The following PIK3AP1 variants were observed in gnomAD, a reference collection of about 807,000 sequenced individuals.
The protein encoded by PIK3AP1 is phosphoinositide 3-kinase adapter protein 1.
PIK3AP1 carries 21 observed loss-of-function variants against 88.1 expected under a neutral mutation model. The ratio of observed to expected loss-of-function variants is 0.24; its 90% CI spans 0.17 to 0.34. The LOEUF (loss-of-function observed/expected upper bound fraction) is 0.34. PIK3AP1 is among the 10% of genes least tolerant of loss of function. The probability of loss-of-function intolerance (pLI) is 1.00; values close to 1 mark genes in which losing one functional copy is unlikely to be tolerated. For missense variants in PIK3AP1, 828 were observed against 1,035.7 expected (o/e 0.80, Z 2.75); for synonymous variants, 398 against 400.0 (o/e 1.00, Z 0.06).
intron 2 of PIK3AP1, among the ~76,000 whole-genome samples, chr10:96,694,926 G>A (rs1699274266): frequency 6.6e-6 from 1 of 152,180 alleles, no homozygotes; most frequent in Admixed American, 6.5e-5. Flanking sequence ...GTATGGGCAA[G>A]TTTTAATCAC....
In PIK3AP1 at chr10:96,597,366, CTCTCTCTCTCTT is replaced by C. The variant is rs1463142473; in HGVS notation, c.2361-1744_2361-1733del. Among the ~76,000 whole-genome samples the C allele has an allele frequency of 2.2e-4, 25 of 112,712 alleles. 1 individual carries two copies. In the East Asian group the frequency reaches 5.6e-3, roughly 25 times the overall value. 73.9% of individuals were successfully genotyped at this position (112,712 alleles called of 152,430 possible). A position where few individuals can be genotyped will look rare whatever the true frequency, so the allele number is the denominator to read the frequency against. ...TCCCTCCCTCCCTCCCTCTCTCTCT[CTCTCTCTCTCTT>C]TCTTTCTTTCTTTCTTTCAACAAAC... On this transcript the variant is annotated intron_variant, in intron 16 of 16. Coordinates refer to ENST00000339364, the MANE Select transcript of PIK3AP1 (RefSeq NM_152309.3).
At chr10:96,704,355 T>TTAGA (rs1844335951) in intron 2 of PIK3AP1, among the ~76,000 whole-genome samples, 1 of 152,200 alleles carries the variant, frequency 6.6e-6, no homozygotes, top group Non-Finnish European at 1.5e-5. Context: ...GAAAGGTGGC[T>TTAGA]TAGACCCCTT....
intron 2 of PIK3AP1, among the ~76,000 whole-genome samples, chr10:96,663,854 A>C (rs1424710021): frequency 6.6e-6 from 1 of 152,314 alleles, no homozygotes; most frequent in African/African-American, 2.4e-5. Flanking sequence ...TCATCATGAG[A>C]ATGCAAATGA....
At chr10:96,604,810 G>A (rs949017642) in intron 14 of PIK3AP1, among the ~76,000 whole-genome samples, 1 of 152,126 alleles carries the variant, frequency 6.6e-6, no homozygotes, top group Non-Finnish European at 1.5e-5. Context: ...TTGTAATAAG[G>A]GGCCGGACCC....
At chr10:96,676,589 G>T (rs924088966) in intron 2 of PIK3AP1, among the ~76,000 whole-genome samples, 2 of 150,878 alleles carry the variant, frequency 1.3e-5, no homozygotes, top group Non-Finnish European at 2.9e-5. Flanking sequence ...TGTTGCCTTA[G>T]AGGCCTTTTT....
chr10:96,659,413 C>T (rs1843656643), intron 2 of PIK3AP1, among the ~76,000 whole-genome samples: 1 of 152,136 alleles, frequency 6.6e-6, no homozygotes, highest in African/African-American at 2.4e-5. Flanking sequence ...GGGATGGACC[C>T]ACAGTGCAGT....
At chr10:96,663,627 CAAAAAAAAAAAAAAA>C (rs373081849) in intron 2 of PIK3AP1, among the ~76,000 whole-genome samples, 1 of 42,988 alleles carries the variant, frequency 2.3e-5, no homozygotes, top group South Asian at 1.1e-3. Context: ...GAGACTCCGT[CAAAAAAAAAAAAAAA>C]AAAAAAAAAA....
chr10:96,611,101 C>G (rs548777731), intron 13 of PIK3AP1, among the ~76,000 whole-genome samples: 3 of 152,292 alleles, frequency 2.0e-5, no homozygotes, highest in Admixed American at 6.5e-5. Flanking sequence ...TAAACTGGAA[C>G]AGGATGAAGG....
rs758490514 is a variant in PIK3AP1 at position 96,648,753 on chromosome 10, G to A, written c.1091C>T (p.Ala364Val). Reference sequence around the variant, plus strand: ...GCCATGCTTGTTGGCCACGCTGTACGCCTGCAGGGCTCCTGGGCAGGTGAG... The same window carrying A: ...GCCATGCTTGTTGGCCACGCTGTACACCTGCAGGGCTCCTGGGCAGGTGAG... ...LLLTCPGALQ[A>V]YSVANKHGHY... Residue 364 changes from alanine (A) to valine (V), a missense_variant, in exon 7 of 17, where the codon GCG (alanine) becomes GTG (valine). This residue lies in a region of PIK3AP1 where 610 missense variants were observed against 760.1 expected (regional missense o/e 0.80). Transcript: ENST00000339364. 8.1e-6 allele frequency: 13 copies of A among 1,610,778 alleles called. No homozygotes were observed. Among genetic ancestry groups the A allele is most frequent in the East Asian group, 2.2e-5 (1 of 44,610 alleles).
chr10:96,712,246 T>C (rs1444345866), intron 1 of PIK3AP1, among the ~76,000 whole-genome samples: 1 of 152,078 alleles, frequency 6.6e-6, no homozygotes, highest in African/African-American at 2.4e-5. Flanking sequence ...AAAAAGGCAA[T>C]CTTAGACAAA....
chr10:96,625,219 T>G (rs1174945562), intron 10 of PIK3AP1, among the ~76,000 whole-genome samples: 1 of 152,152 alleles, frequency 6.6e-6, no homozygotes, highest in Non-Finnish European at 1.5e-5. Context: ...GGGCAGCAAC[T>G]CCGTGTGTTA....
intron 3 of PIK3AP1, 38 bp downstream of exon 3, chr10:96,656,760 T>C: frequency 6.2e-7 from 1 of 1,609,518 alleles, no homozygotes; most frequent in Non-Finnish European, 8.5e-7. Flanking sequence ...AAAGCCCAAG[T>C]GCTGACATCC....
chr10:96,664,359 T>C (rs1212904275), intron 2 of PIK3AP1, among the ~76,000 whole-genome samples: 3 of 152,210 alleles, frequency 2.0e-5, no homozygotes, highest in African/African-American at 7.2e-5. Context: ...GTGGCTGGAT[T>C]CTGCATGCTT....
intron 8 of PIK3AP1, chr10:96,633,256 G>A: frequency 1.8e-6 from 1 of 544,850 alleles, no homozygotes; most frequent in Non-Finnish European, 2.9e-6. Flanking sequence ...TGTAGGCAAT[G>A]TTGCCTGGAA....
At chr10:96,705,335 C>T (rs1273671246) in intron 2 of PIK3AP1, among the ~76,000 whole-genome samples, 1 of 152,120 alleles carries the variant, frequency 6.6e-6, no homozygotes, top group Non-Finnish European at 1.5e-5. Context: ...GGTCACATGG[C>T]CCAACCCTGG....
chr10:96,664,096 T>C (rs188471428), intron 2 of PIK3AP1, among the ~76,000 whole-genome samples: 14 of 152,326 alleles, frequency 9.2e-5, no homozygotes, highest in Admixed American at 9.1e-4. Flanking sequence ...CATAATTCTA[T>C]TTCCAGAAGT....
At position 96,656,754 on chromosome 10, in the gene PIK3AP1, C is replaced by T. The variant is rs977720624; in HGVS notation, c.567+44G>A. The stretch of plus-strand genomic sequence containing the variant: ...GCAACAAATGCATGCATTTGAAAAG[C>T]CCAAGTGCTGACATCCAGCTACCAG... On this transcript the variant is annotated intron_variant, in intron 3 of 16. Coordinates refer to ENST00000339364, the MANE Select transcript of PIK3AP1 (RefSeq NM_152309.3). 3.1e-6 allele frequency: 5 copies of T among 1,607,934 alleles called. No homozygotes were observed. The Admixed American group carries it at 6.7e-5, about 22-fold the overall frequency.
chr10:96,668,102 G>GA (rs1240648072), intron 2 of PIK3AP1, among the ~76,000 whole-genome samples: 5 of 152,168 alleles, frequency 3.3e-5, no homozygotes, highest in Admixed American at 3.3e-4. Context: ...AAAAATTTTG[G>GA]AAAGAGTGGT....
chr10:96,632,461 A>G (rs907041248), intron 8 of PIK3AP1, among the ~76,000 whole-genome samples: 1 of 151,920 alleles, frequency 6.6e-6, no homozygotes, highest in African/African-American at 2.4e-5. Context: ...GCAAAACTAA[A>G]TAATCATAGC....
Sources: allele counts gnomAD v4.1 joint callset (sites outside exome capture counted in the v4.1 genomes callset), GRCh38; gene constraint gnomAD v4.1.1; regional missense constraint gnomAD v4.1.1; transcripts MANE v1.5; gene names NCBI Gene and HGNC (gene_info 2026-07-23, HGNC 2026-07-21).